Variants in WNT9B observed in about 807,000 individuals in gnomAD.
The protein encoded by WNT9B is protein Wnt-9b.
A neutral mutation model predicts 30.2 loss-of-function variants in WNT9B; 12 were observed. The ratio of observed to expected loss-of-function variants is 0.40; its 90% CI spans 0.26 to 0.64. The LOEUF (loss-of-function observed/expected upper bound fraction) is 0.64. Among genes scored for constraint, WNT9B ranks in the 30% least tolerant of loss-of-function variants. WNT9B has a pLI of 0.42. For missense variants in WNT9B, 442 were observed against 485.2 expected, an observed-to-expected ratio of 0.91 and a Z score of 0.84; for synonymous variants, 218 against 216.9, an observed-to-expected ratio of 1.01 and a Z score of -0.05.
intron 1 of WNT9B, among the ~76,000 whole-genome samples, chr17:46,846,287 G>T (rs1393657183): frequency 6.6e-6 from 1 of 152,154 alleles, no homozygotes; most frequent in Non-Finnish European, 1.5e-5. Flanking sequence ...ACCTTCCACA[G>T]TCCAATGTTT....
intron 1 of WNT9B, among the ~76,000 whole-genome samples, chr17:46,846,253 G>A (rs956063543): frequency 1.6e-4 from 24 of 152,218 alleles, no homozygotes; most frequent in African/African-American, 5.8e-4. Context: ...GGCAGGGTTT[G>A]TAGCCATCAA....
rs572051708 is a variant in WNT9B at position 46,833,780 on chromosome 17, A to G, written c.95+340A>G. 5.8e-4 allele frequency among the ~76,000 whole-genome samples: 89 copies of G among 152,302 alleles called. 1 individual carries two copies. Among genetic ancestry groups the G allele is most frequent in the Middle Eastern group, 6.8e-3 (2 of 294 alleles). Reference sequence around the variant, plus strand: ...GAAGAAGTGAGCCAGTCTGCCTGCTAGAAACTGCTGGGGGCTCCTGATCGG... The same window carrying G: ...GAAGAAGTGAGCCAGTCTGCCTGCTGGAAACTGCTGGGGGCTCCTGATCGG... On this transcript the variant is annotated intron_variant, in intron 1 of 2. Transcript: ENST00000575372.
At position 46,879,340 on chromosome 17, in the gene WNT9B, A is replaced by G. The variant is rs2085392969; in HGVS notation, c.*2622A>G. On this transcript the variant is annotated 3_prime_UTR_variant, in exon 4 of 4. Coordinates refer to ENST00000290015, the MANE Select transcript of WNT9B (RefSeq NM_003396.3). ...GGTCTGTCTCGGAGCTGGTAAGCAC[A>G]TGTCCGCTCTGTGATGAGCCCTGGT... 6.6e-6 allele frequency among the ~76,000 whole-genome samples: 1 copy of G among 152,112 alleles called. No individual in the cohort carries two copies. Among genetic ancestry groups the G allele is most frequent in the Non-Finnish European group, 1.5e-5 (1 of 68,026 alleles).
intron 1 of WNT9B, among the ~76,000 whole-genome samples, chr17:46,857,982 T>G (rs914015560): frequency 3.3e-5 from 5 of 152,078 alleles, no homozygotes; most frequent in African/African-American, 4.8e-5. Context: ...CAGGCTGGAG[T>G]ACAATGGCAT....
chr17:46,849,085 G>A (rs1262334163), upstream of WNT9B, among the ~76,000 whole-genome samples: 1 of 152,196 alleles, frequency 6.6e-6, no homozygotes, highest in Non-Finnish European at 1.5e-5. Flanking sequence ...CAAGCTGGAA[G>A]GCACCCCAGC....
chr17:46,844,772 T>C (rs2084755369), intron 1 of WNT9B, among the ~76,000 whole-genome samples: 1 of 152,174 alleles, frequency 6.6e-6, no homozygotes, highest in African/African-American at 2.4e-5. Context: ...TTTAAACTTC[T>C]AGTCCCTAAG....
chr17:46,834,380 AG>A (rs552308466), intron 1 of WNT9B, among the ~76,000 whole-genome samples: 165 of 152,204 alleles, frequency 1.1e-3, no homozygotes, highest in African/African-American at 3.6e-3. Flanking sequence ...GGGAGAGGGC[AG>A]GCTGCTGGGG....
At chr17:46,875,978 G>A (rs950038297) in intron 3 of WNT9B, among the ~76,000 whole-genome samples, 1 of 151,820 alleles carries the variant, frequency 6.6e-6, no homozygotes, top group African/African-American at 2.4e-5. Context: ...GGTGTGAACC[G>A]GGGCTGCTGT....
intron 1 of WNT9B, among the ~76,000 whole-genome samples, chr17:46,839,509 G>A (rs1259422910): frequency 6.6e-6 from 1 of 152,190 alleles, no homozygotes; most frequent in Admixed American, 6.5e-5. Flanking sequence ...GCCATGCACA[G>A]GCTGTAAATT....
intron 1 of WNT9B, among the ~76,000 whole-genome samples, chr17:46,853,742 A>G (rs957695235): frequency 1.4e-4 from 21 of 152,224 alleles, no homozygotes; most frequent in East Asian, 7.7e-4. Context: ...CTGGAATGGA[A>G]AGGGATGGGA....
chr17:46,872,292 G>A (rs377328749), intron 1 of WNT9B, among the ~76,000 whole-genome samples: 27 of 152,358 alleles, frequency 1.8e-4, no homozygotes, highest in Middle Eastern at 3.4e-3. Context: ...GGGTGGATAA[G>A]AAGAGCAGAG....
chr17:46,841,983 C>A (rs1272538441), intron 1 of WNT9B, among the ~76,000 whole-genome samples: 3 of 152,174 alleles, frequency 2.0e-5, no homozygotes, highest in African/African-American at 4.8e-5. Flanking sequence ...CAGCGCTGAC[C>A]GGCAGGGGGC....
intron 1 of WNT9B, among the ~76,000 whole-genome samples, chr17:46,835,357 A>G (rs566209149): frequency 2.3e-4 from 35 of 152,008 alleles, no homozygotes; most frequent in African/African-American, 7.0e-4. Flanking sequence ...GACTACAGGC[A>G]CCCGCCACCA....
chr17:46,850,690 C>CT (rs1332796150), upstream of WNT9B, among the ~76,000 whole-genome samples: 2 of 152,202 alleles, frequency 1.3e-5, no homozygotes, highest in African/African-American at 4.8e-5. Context: ...GTACCACGCG[C>CT]CGCTTTGATC....
chr17:46,857,067 T>G (rs2084950581), intron 1 of WNT9B, among the ~76,000 whole-genome samples: 1 of 152,186 alleles, frequency 6.6e-6, no homozygotes, highest in Non-Finnish European at 1.5e-5. Context: ...GCTTTTGAGA[T>G]TCATCCATGT....
chr17:46,873,153 C>T (rs1044459343), intron 2 of WNT9B, among the ~76,000 whole-genome samples: 6 of 151,566 alleles, frequency 4.0e-5, no homozygotes, highest in Admixed American at 1.3e-4. Context: ...CACATGAAGA[C>T]GTGAGGATGG....
intron 3 of WNT9B, among the ~76,000 whole-genome samples, chr17:46,875,694 T>C (rs2085334003): frequency 6.6e-6 from 1 of 152,168 alleles, no homozygotes. Flanking sequence ...GGACCAGGCC[T>C]TCCTGGAGGT....
At chr17:46,886,497 G>A (rs1417856941) in exon 5 of WNT9B, 4 of 152,156 alleles carry the variant, frequency 2.6e-5, no homozygotes, top group Non-Finnish European at 5.9e-5. Flanking sequence ...GCAAAAAGTG[G>A]TAACAAATAG....
Position 46,851,748 on chromosome 17 carries a change from C to A in WNT9B, c.77+33C>A. The stretch of plus-strand genomic sequence containing the variant: ...CCCGCCGCGCCCCCCGCCCGCTCCC[C>A]GGCCTGCCTGTCTCTCCCTCCTGCG... On this transcript the variant is annotated intron_variant, in intron 1 of 3. Transcript: ENST00000290015. This position sits in a 1 kb window ranked among gnomAD's most constrained non-coding sequence, Gnocchi z 4.3. The A allele has an allele frequency of 8.5e-7, 1 of 1,175,304 alleles. No homozygotes were observed. The highest frequency in any genetic ancestry group is 1.1e-6 in the Non-Finnish European group (1 of 926,654). The allele number at this position is 1,175,304 out of a possible 1,614,324, so 72.8% of individuals were successfully genotyped here. A position where few individuals can be genotyped will look rare whatever the true frequency, so the allele number is the denominator to read the frequency against.
Sources: gnomAD v4.1 joint callset for allele counts (sites outside exome capture counted in the v4.1 genomes callset) on GRCh38, gnomAD v4.1.1 for gene constraint, Gnocchi (gnomAD v3.1) non-coding constraint, MANE v1.5 for transcripts, NCBI Gene and HGNC (gene_info 2026-07-23, HGNC 2026-07-21) for gene names.